CEMIP2: variants seen among roughly 807,000 people sequenced by gnomAD.
CEMIP2 encodes the protein cell migration inducing hyaluronidase 2, also known as cell surface hyaluronidase CEMIP2.
A neutral mutation model predicts 146.9 loss-of-function variants in CEMIP2; 79 were observed. That is an observed-to-expected ratio of 0.54 (90% CI 0.45 to 0.65). The LOEUF (loss-of-function observed/expected upper bound fraction) is 0.65, where lower values mean the gene tolerates loss of function less well. CEMIP2 is among the 30% of genes least tolerant of loss of function. The probability of loss-of-function intolerance (pLI) is 0.00; values close to 1 mark genes in which losing one functional copy is unlikely to be tolerated. For synonymous variants in CEMIP2, 601 were observed against 606.3 expected, an observed-to-expected ratio of 0.99 and a Z score of 0.13; for missense variants, 1,596 against 1,696.2, an observed-to-expected ratio of 0.94 and a Z score of 1.04.
chr9:71,696,008 G>T (rs761559255), intron 20 of CEMIP2, among the ~76,000 whole-genome samples: 1 of 151,990 alleles, frequency 6.6e-6, no homozygotes, highest in East Asian at 1.9e-4. Context: ...TGTTCCCAGC[G>T]ACTTCAACTA....
chr9:71,748,656 T>A (rs1260314369), intron 2 of CEMIP2, among the ~76,000 whole-genome samples: 3 of 152,196 alleles, frequency 2.0e-5, no homozygotes, highest in African/African-American at 4.8e-5. Flanking sequence ...AACTTGGTTA[T>A]TCTGCTGGGA....
chr9:71,712,805 T>C (rs189336964), intron 15 of CEMIP2, among the ~76,000 whole-genome samples: 16 of 152,344 alleles, frequency 1.1e-4, no homozygotes, highest in Admixed American at 1.0e-3. Context: ...AATTTTGTTT[T>C]ATTCATTTTC....
intron 5 of CEMIP2, among the ~76,000 whole-genome samples, chr9:71,738,031 T>A (rs980195991): frequency 2.6e-5 from 4 of 152,040 alleles, no homozygotes; most frequent in Admixed American, 1.3e-4. Context: ...GAGCCCCCAA[T>A]TTAAAGCTAA....
Position 71,740,135 on chromosome 9 carries a change from G to A in CEMIP2, c.1132C>T (p.Leu378Phe), listed in dbSNP as rs1408043970. 2 of 1,614,032 alleles carry A rather than the reference G, an allele frequency of 1.2e-6. No homozygotes were observed. Among genetic ancestry groups the A allele is most frequent in the African/African-American group, 1.3e-5 (1 of 75,040 alleles). Residue 378 changes from leucine to phenylalanine, a missense_variant, in exon 5 of 24, where the codon CTT (leucine) becomes TTT (phenylalanine). Transcript: ENST00000377044. The stretch of plus-strand genomic sequence containing the variant: ...ACAGTATAAAATTCTCTTTGGGCAA[G>A]AGCCTTCCCGCCACTGCTATGATTT... ...YENHSSGGKA[L>F]AQREFYTVDG...
At position 71,734,861 on chromosome 9, in the gene CEMIP2, C is replaced by T; in HGVS notation, c.1338G>A (p.Glu446=). Residue 446 remains glutamate, a synonymous_variant, in exon 6 of 24, where the codon GAG becomes GAA. Transcript: ENST00000377044. The part of the protein sequence containing the change: ...ASTDYSMYQA[E]EFTLLPCSEC... ...CAGAACAGGGAAGAAGAGTGAACTC[C>T]TCTGCTTGGTACATGGAATAGTCTG... 6.2e-7 allele frequency: 1 copy of T among 1,613,980 alleles called. No homozygotes were observed. Among genetic ancestry groups the T allele is most frequent in the Non-Finnish European group, 8.5e-7 (1 of 1,179,958 alleles).
chr9:71,717,066 G>A (rs1206366164), intron 13 of CEMIP2, among the ~76,000 whole-genome samples: 2 of 152,108 alleles, frequency 1.3e-5, no homozygotes, highest in East Asian at 1.9e-4. Flanking sequence ...CAGCTACTCG[G>A]GAGGCTAAGG....
Position 71,730,144 on chromosome 9 carries a change from C to T in CEMIP2, c.1883G>A (p.Gly628Asp). 8 of 1,614,094 alleles carry T rather than the reference C, an allele frequency of 5.0e-6. No individual in the cohort carries two copies. The highest frequency in any genetic ancestry group is 6.8e-6 in the Non-Finnish European group (8 of 1,180,038). The change falls in exon 9 of 24, where the codon GGT (glycine) becomes GAT (aspartate). Residue 628 changes from glycine to aspartate, a missense_variant. Gly to Asp is a moderately conservative substitution (Grantham distance 94, BLOSUM62 -1). Transcript: ENST00000377044. ...FHNLGLLTKP[G>D]TLLPTDRNNS... ...GTTCCTATCGGTGGGCAGGAGAGTA[C>T]CCGGCTTGGTGAGGAGTCCCAGATT...
upstream of CEMIP2, among the ~76,000 whole-genome samples, chr9:71,769,343 T>C (rs1824900881): frequency 6.6e-6 from 1 of 152,172 alleles, no homozygotes; most frequent in Admixed American, 6.5e-5. Context: ...CTCCCACAAA[T>C]GTTCTGAGCG....
chr9:71,712,481 A>G, intron 15 of CEMIP2: 1 of 492,176 alleles, frequency 2.0e-6, no homozygotes, highest in South Asian at 3.4e-5. Context: ...AGTGCTATAG[A>G]GACCATAAGA....
intron 18 of CEMIP2, among the ~76,000 whole-genome samples, chr9:71,702,175 C>G (rs1589132279): frequency 6.7e-6 from 1 of 150,108 alleles, no homozygotes; most frequent in Admixed American, 6.7e-5. Flanking sequence ...GGAGGATCAA[C>G]TTAACCCAGG....
At chr9:71,746,504 A>G (rs1469482038) in intron 2 of CEMIP2, among the ~76,000 whole-genome samples, 163 bp from the exon 3 acceptor site, 1 of 150,882 alleles carries the variant, frequency 6.6e-6, no homozygotes, top group African/African-American at 2.4e-5. Context: ...CCAGCAGAGA[A>G]CCATCTTACC....
In CEMIP2 at chr9:71,750,265, G is replaced by T; in HGVS notation, c.109C>A (p.Pro37Thr). The T allele has an allele frequency of 6.2e-7, 1 of 1,614,096 alleles. No individual in the cohort carries two copies. Among genetic ancestry groups the T allele is most frequent in the Non-Finnish European group, 8.5e-7 (1 of 1,180,006 alleles). Residue 37 changes from proline (P) to threonine (T), a missense_variant, in exon 2 of 24, where the codon CCC becomes ACC. Physicochemically the swap from Pro to Thr is conservative, Grantham distance 38. Transcript: ENST00000377044. Reference sequence around the variant, plus strand: ...GCTTGACTCTTTGGAGGAGGAGGGGGACGCAATGGGACAACCTTCCCTGGA... The same window carrying T: ...GCTTGACTCTTTGGAGGAGGAGGGGTACGCAATGGGACAACCTTCCCTGGA... ...YVPGKVVPLR[P>T]PPPPKSQASA... is the part of the protein sequence containing the mutation.
intron 1 of CEMIP2, among the ~76,000 whole-genome samples, chr9:71,755,840 T>C (rs941227915): frequency 4.6e-5 from 7 of 151,818 alleles, no homozygotes; most frequent in African/African-American, 1.7e-4. Flanking sequence ...CATGTGCCTT[T>C]AGTCCTAGCT....
At chr9:71,715,625 G>GATATATATATATATATATATATATAT (rs71790721) in intron 14 of CEMIP2, among the ~76,000 whole-genome samples, 3 of 119,078 alleles carry the variant, frequency 2.5e-5, no homozygotes, top group South Asian at 3.0e-4. Context: ...TCCCTCTTAA[G>GATATATATATATATATATATATATAT]ATATATATAT....
chr9:71,728,843 T>TG (rs747643683), intron 10 of CEMIP2, among the ~76,000 whole-genome samples: 63 of 101,170 alleles, frequency 6.2e-4, no homozygotes, highest in Non-Finnish European at 1.1e-3. Context: ...GTGTGTGTGT[T>TG]TTTATTGACA....
chr9:71,693,962 G>A (rs1822307734), intron 21 of CEMIP2, among the ~76,000 whole-genome samples: 1 of 152,122 alleles, frequency 6.6e-6, no homozygotes, highest in South Asian at 2.1e-4. Flanking sequence ...AGAGACCCCT[G>A]GACCGTTCTA....
At chr9:71,711,797 C>G (rs1210997656) in intron 16 of CEMIP2, among the ~76,000 whole-genome samples, 2 of 152,036 alleles carry the variant, frequency 1.3e-5, no homozygotes, top group Non-Finnish European at 2.9e-5. Flanking sequence ...AATCGTATGT[C>G]CTCTTGTTCC....
At position 71,730,045 on chromosome 9, in the gene CEMIP2, C is replaced by T. The variant is rs1403255186; in HGVS notation, c.1979+3G>A. Reference sequence around the variant, plus strand: ...TGGGTTTTTCTCTCCGCCAATTACTCACATACAGTCAGTAGCAGGCACAGG... The same window carrying T: ...TGGGTTTTTCTCTCCGCCAATTACTTACATACAGTCAGTAGCAGGCACAGG... On this transcript the variant is annotated splice_donor_region_variant and intron_variant, in intron 9 of 23. Transcript: ENST00000377044. 1 of 1,614,078 alleles carries T rather than the reference C, an allele frequency of 6.2e-7. No individual in the cohort carries two copies. Among genetic ancestry groups the T allele is most frequent in the Non-Finnish European group, 8.5e-7 (1 of 1,179,932 alleles).
At chr9:71,717,288 G>T (rs535315987) in intron 13 of CEMIP2, among the ~76,000 whole-genome samples, 115 of 152,120 alleles carry the variant, frequency 7.6e-4, no homozygotes, top group African/African-American at 2.2e-3. Flanking sequence ...CTAGACTGTG[G>T]TATATGATTC....
Sources: allele counts gnomAD v4.1 joint callset (sites outside exome capture counted in the v4.1 genomes callset), GRCh38; gene constraint gnomAD v4.1.1; transcripts MANE v1.5; gene names NCBI Gene and HGNC (gene_info 2026-07-23, HGNC 2026-07-21).